IQCJ: variants seen among roughly 807,000 people sequenced by gnomAD.
IQCJ encodes IQ motif containing J, also known as IQ domain-containing protein J.
Under a neutral mutation model 11.0 loss-of-function variants are expected in IQCJ, and 9 were observed. The observed-to-expected ratio is 0.82, with a 90% confidence interval of 0.49 to 1.43. The LOEUF is 1.43. Among genes scored for constraint, IQCJ ranks in the 40% most tolerant of loss-of-function variants. The probability of loss-of-function intolerance (pLI) is 0.00; values close to 1 mark genes in which losing one functional copy is unlikely to be tolerated. For synonymous variants in IQCJ, 55 were observed against 51.3 expected, an observed-to-expected ratio of 1.07 and a Z score of -0.31; for missense variants, 146 against 133.2, an observed-to-expected ratio of 1.10 and a Z score of -0.47.
chr3:159,214,373 C>A (rs1228455203), intron 1 of IQCJ, among the ~76,000 whole-genome samples: 1 of 152,184 alleles, frequency 6.6e-6, no homozygotes. Context: ...TTCTCTAGAT[C>A]CTCACTGTCG....
chr3:159,262,597 A>G lies in IQCJ; in HGVS notation c.205A>G (p.Lys69Glu), dbSNP rs755143969. 8.7e-6 allele frequency: 14 copies of G among 1,613,726 alleles called. No individual in the cohort carries two copies. The African/African-American group carries it at 1.9e-4, about 22-fold the overall frequency. The change falls in exon 4 of 4, where the codon AAG becomes GAG. Residue 69 changes from lysine (K) to glutamate (E), a missense_variant. Lys to Glu is a moderately conservative substitution (Grantham distance 56, BLOSUM62 1). Coordinates refer to ENST00000397832, the MANE Select transcript of IQCJ (RefSeq NM_001042706.3). ...EYLQRQEPLGKRSPSPPSVSS... is the reference protein window; with the variant it reads ...EYLQRQEPLGERSPSPPSVSS... ...CCTGCAGCGGCAGGAGCCCCTGGGG[A>G]AGAGGAGCCCGTCCCCACCCTCTGT...
At chr3:159,246,396 CT>C (rs1298799363) in intron 2 of IQCJ, among the ~76,000 whole-genome samples, 1 of 152,158 alleles carries the variant, frequency 6.6e-6, no homozygotes, top group Non-Finnish European at 1.5e-5. Flanking sequence ...CACTCAGAGA[CT>C]CATCAAATTC....
chr3:159,240,177 T>C lies in IQCJ; in HGVS notation c.10-5666T>C, dbSNP rs181055040. On this transcript the variant is annotated intron_variant, in intron 1 of 3. Transcript: ENST00000397832. ...TAGGACTAAAGAGTAAGTTTTACCC[T>C]AAAAATAAAATGACATGTTAAATAT... is the stretch of plus-strand genomic sequence containing the variant. Among the ~76,000 whole-genome samples the C allele has an allele frequency of 3.3e-5, 5 of 152,272 alleles. No homozygotes were observed. In the East Asian group the frequency reaches 9.6e-4, roughly 29 times the overall value.
chr3:159,175,568 C>T (rs1433265286), intron 1 of IQCJ, among the ~76,000 whole-genome samples: 1 of 152,200 alleles, frequency 6.6e-6, no homozygotes, highest in Non-Finnish European at 1.5e-5. Flanking sequence ...TTCCTGGACC[C>T]TAGCAACCAC....
chr3:159,148,337 C>T (rs1055025257), intron 1 of IQCJ, among the ~76,000 whole-genome samples: 2 of 152,170 alleles, frequency 1.3e-5, no homozygotes, highest in African/African-American at 4.8e-5. Flanking sequence ...AATTTCCCCA[C>T]TTAATTATCT....
rs533951479 is a variant in IQCJ at position 159,110,946 on chromosome 3, G to A, written c.9+41505G>A. On this transcript the variant is annotated intron_variant, in intron 1 of 3. Transcript: ENST00000397832. ...GTGCAACATTGTGGACAATAGAGACGAAAAGAAAATGACCTGAATATGACT... is the reference window on the plus strand; with the variant it reads ...GTGCAACATTGTGGACAATAGAGACAAAAAGAAAATGACCTGAATATGACT... Among the ~76,000 whole-genome samples, 20 of 152,300 alleles carry A rather than the reference G, an allele frequency of 1.3e-4. No individual in the cohort carries two copies. The East Asian group carries it at 3.7e-3, about 28-fold the overall frequency.
At chr3:159,221,844 G>A (rs1002911791) in intron 1 of IQCJ, among the ~76,000 whole-genome samples, 17 of 151,346 alleles carry the variant, frequency 1.1e-4, no homozygotes, top group African/African-American at 4.1e-4. Flanking sequence ...GAAAGAAATT[G>A]TATTAGAATT....
intron 1 of IQCJ, among the ~76,000 whole-genome samples, chr3:159,089,387 A>C (rs1055890054): frequency 1.3e-5 from 2 of 151,908 alleles, no homozygotes; most frequent in Non-Finnish European, 2.9e-5. Flanking sequence ...TGAATCTGAC[A>C]ATTATGTGTC....
intron 1 of IQCJ, among the ~76,000 whole-genome samples, chr3:159,162,420 G>A (rs1354995444): frequency 1.3e-5 from 2 of 152,140 alleles, no homozygotes; most frequent in East Asian, 1.9e-4. Context: ...ATCAGCTTAA[G>A]GAGATTTTGG....
At chr3:159,136,893 G>A (rs1720320270) in intron 1 of IQCJ, among the ~76,000 whole-genome samples, 1 of 152,190 alleles carries the variant, frequency 6.6e-6, no homozygotes, top group Admixed American at 6.5e-5. Context: ...GAGGTCTTAA[G>A]TATGGTGTAA....
At chr3:159,167,739 A>G (rs1722252693) in intron 1 of IQCJ, among the ~76,000 whole-genome samples, 1 of 152,092 alleles carries the variant, frequency 6.6e-6, no homozygotes, top group Non-Finnish European at 1.5e-5. Context: ...CATAATCCCT[A>G]CCTTTATGTA....
intron 1 of IQCJ, among the ~76,000 whole-genome samples, chr3:159,072,317 C>T (rs1362458908): frequency 6.6e-6 from 1 of 151,790 alleles, no homozygotes; most frequent in Non-Finnish European, 1.5e-5. Flanking sequence ...GAGTTCTCAA[C>T]CAAGCGGGGG....
intron 1 of IQCJ, among the ~76,000 whole-genome samples, chr3:159,119,273 C>T (rs919303648): frequency 1.3e-5 from 2 of 152,180 alleles, no homozygotes; most frequent in Non-Finnish European, 2.9e-5. Context: ...GACATAACTC[C>T]TTGTAAATGG....
At chr3:159,105,069 A>G (rs1456875554) in intron 1 of IQCJ, among the ~76,000 whole-genome samples, 1 of 152,264 alleles carries the variant, frequency 6.6e-6, no homozygotes, top group African/African-American at 2.4e-5. Context: ...AAATCAAGAC[A>G]TGGCCACTGA....
chr3:159,141,860 A>G (rs1720623829), intron 1 of IQCJ, among the ~76,000 whole-genome samples: 2 of 152,336 alleles, frequency 1.3e-5, no homozygotes, highest in South Asian at 2.1e-4. Context: ...ATCTACTTTT[A>G]TGGAACAAAT....
chr3:159,203,937 A>T (rs192178961), intron 1 of IQCJ, among the ~76,000 whole-genome samples: 1 of 152,150 alleles, frequency 6.6e-6, no homozygotes, highest in Admixed American at 6.5e-5. Context: ...CTCAAGTGAG[A>T]GGGTTGAATT....
intron 3 of IQCJ, among the ~76,000 whole-genome samples, chr3:159,254,624 C>A (rs1231487041): frequency 1.3e-5 from 2 of 152,126 alleles, no homozygotes; most frequent in South Asian, 4.1e-4. Context: ...AAAATCTCCT[C>A]TCTGCATACA....
In IQCJ at chr3:159,151,127, A is replaced by G. The variant is rs1721190508; in HGVS notation, c.9+81686A>G. ...ACTGGATTGGGTGGCAGATGTTCCC[A>G]GAGCCCGGCTCTTTGGAAGGAGCAG... On this transcript the variant is annotated intron_variant, in intron 1 of 3. Coordinates refer to ENST00000397832, the MANE Select transcript of IQCJ (RefSeq NM_001042706.3). Among the ~76,000 whole-genome samples, 4 of 152,318 alleles carry G rather than the reference A, an allele frequency of 2.6e-5. No homozygotes were observed. The South Asian group carries it at 8.3e-4, about 32-fold the overall frequency.
rs148437697 is a variant in IQCJ, at chr3:159,104,503, A to G, written c.9+35062A>G. 3.6e-3 allele frequency among the ~76,000 whole-genome samples: 541 copies of G among 152,300 alleles called. 2 individuals carry two copies. Among genetic ancestry groups the G allele is most frequent in the African/African-American group, 0.012 (514 of 41,558 alleles). On this transcript the variant is annotated intron_variant, in intron 1 of 3. Coordinates refer to ENST00000397832, the MANE Select transcript of IQCJ (RefSeq NM_001042706.3). ...CTTTCTTACCTTTTCCCTTTAATACATTTTAAATATCTATTCATGTATGTA... is the reference window on the plus strand; with the variant it reads ...CTTTCTTACCTTTTCCCTTTAATACGTTTTAAATATCTATTCATGTATGTA...
Sources: gnomAD v4.1 joint callset for allele counts (sites outside exome capture counted in the v4.1 genomes callset) on GRCh38, gnomAD v4.1.1 for gene constraint, MANE v1.5 for transcripts, NCBI Gene and HGNC (gene_info 2026-07-23, HGNC 2026-07-21) for gene names.